FRMPD1: variants seen among roughly 807,000 people sequenced by gnomAD.
FRMPD1 encodes FERM and PDZ domain containing 1, also known as FERM and PDZ domain-containing protein 1.
A neutral mutation model predicts 117.8 loss-of-function variants in FRMPD1; 76 were observed. The ratio of observed to expected loss-of-function variants is 0.65; its 90% confidence interval spans 0.54 to 0.78. The LOEUF (loss-of-function observed/expected upper bound fraction) is 0.78, where lower values mean the gene tolerates loss of function less well. Among genes scored for constraint, FRMPD1 ranks in the 30% least tolerant of loss-of-function variants. The probability of loss-of-function intolerance (pLI) is 0.00; values close to 1 mark genes in which losing one functional copy is unlikely to be tolerated. For synonymous variants in FRMPD1, 783 were observed against 770.4 expected (o/e 1.02, Z -0.27); for missense variants, 1,786 against 1,964.5 (o/e 0.91, Z 1.72).
upstream of FRMPD1, among the ~76,000 whole-genome samples, chr9:37,649,672 C>T (rs1820606783): frequency 6.6e-6 from 1 of 152,242 alleles, no homozygotes; most frequent in Admixed American, 6.5e-5. Flanking sequence ...GAAGGATGCA[C>T]TTGTTAACAT....
At chr9:37,637,023 T>C in the FRMPD1 span, 1 of 1,551,830 alleles carries the variant, frequency 6.4e-7, no homozygotes, top group South Asian at 1.1e-5. Flanking sequence ...TCCTGGTCAG[T>C]GACGTCATAT....
At chr9:37,617,422 C>T in the FRMPD1 span, among the ~76,000 whole-genome samples, 1 of 152,230 alleles carries the variant, frequency 6.6e-6, no homozygotes, top group African/African-American at 2.4e-5. Context: ...ATAAGTCTTA[C>T]TGGCTCTGTG....
intron 1 of FRMPD1, among the ~76,000 whole-genome samples, chr9:37,654,684 G>A (rs1465091029): frequency 6.6e-6 from 1 of 152,204 alleles, no homozygotes; most frequent in Non-Finnish European, 1.5e-5. Flanking sequence ...AACTGTTCCA[G>A]GCTGAAGGAA....
chr9:37,694,467 T>C (rs1822250679), intron 2 of FRMPD1, among the ~76,000 whole-genome samples: 1 of 152,224 alleles, frequency 6.6e-6, no homozygotes, highest in South Asian at 2.1e-4. Context: ...ATATTTTCAA[T>C]ACTATAAAAA....
intron 1 of FRMPD1, among the ~76,000 whole-genome samples, chr9:37,685,633 G>C (rs1351405088): frequency 5.1e-4 from 77 of 151,532 alleles, no homozygotes; most frequent in African/African-American, 1.5e-3. Context: ...GCCTAGGCGA[G>C]AAAGCGAGAC....
At chr9:37,743,127 T>C (rs1405303926) in intron 15 of FRMPD1, among the ~76,000 whole-genome samples, 2 of 152,168 alleles carry the variant, frequency 1.3e-5, no homozygotes, top group Non-Finnish European at 2.9e-5. Flanking sequence ...TTTACAATAG[T>C]GCCTCTCCTC....
At chr9:37,621,364 ACGT>A in the FRMPD1 span, among the ~76,000 whole-genome samples, 1 of 152,222 alleles carries the variant, frequency 6.6e-6, no homozygotes, top group Non-Finnish European at 1.5e-5. Context: ...GAAAGTGGTT[ACGT>A]GACTCTTGCA....
intron 2 of FRMPD1, among the ~76,000 whole-genome samples, chr9:37,697,106 T>C (rs1468254492): frequency 1.3e-5 from 2 of 152,214 alleles, no homozygotes; most frequent in African/African-American, 4.8e-5. Context: ...TAGGTGGTTA[T>C]TGTTACAATC....
intron 2 of FRMPD1, among the ~76,000 whole-genome samples, chr9:37,701,763 G>A (rs1822542157): frequency 6.6e-6 from 1 of 152,130 alleles, no homozygotes; most frequent in East Asian, 1.9e-4. Context: ...ACAGAATTGT[G>A]TTTATAAAAT....
chr9:37,677,016 A>G lies in FRMPD1; in HGVS notation c.-4-15622A>G, dbSNP rs12115458. Among the ~76,000 whole-genome samples the G allele has an allele frequency of 5.5e-3, 832 of 152,288 alleles. 8 individuals are homozygous for G. The highest frequency in any genetic ancestry group is 0.019 in the African/African-American group (798 of 41,546). Reference sequence around the variant, plus strand: ...AAGAGGATCTAATGGAACGAATTGCATTTACTTTTGGACCAAATCCCTTAA... The same window carrying G: ...AAGAGGATCTAATGGAACGAATTGCGTTTACTTTTGGACCAAATCCCTTAA... On this transcript the variant is annotated intron_variant, in intron 1 of 15. Coordinates refer to ENST00000377765, the MANE Select transcript of FRMPD1 (RefSeq NM_014907.3).
chr9:37,713,110 G>A (rs1045740113), intron 5 of FRMPD1, among the ~76,000 whole-genome samples: 2 of 151,856 alleles, frequency 1.3e-5, no homozygotes, highest in African/African-American at 4.8e-5. Context: ...AAACTCTTAC[G>A]GGACTTTCAT....
intron 6 of FRMPD1, among the ~76,000 whole-genome samples, chr9:37,722,406 G>GTTGT (rs1004346276): frequency 1.3e-5 from 2 of 152,082 alleles, no homozygotes; most frequent in Admixed American, 6.6e-5. Context: ...AAAACTGGAA[G>GTTGT]TTGTTTGTTT....
rs140481463 is a variant in FRMPD1 at position 37,740,267 on chromosome 9, G to T, written c.1739G>T (p.Ser580Ile). ...RRGPSTCGAS[S>I]TTDSAESEAS... ...GGCCCCAGCACCTGCGGGGCCAGCAGCACGACAGACAGTGCCGAGTCCGAG... is the reference window on the plus strand; with the variant it reads ...GGCCCCAGCACCTGCGGGGCCAGCATCACGACAGACAGTGCCGAGTCCGAG... Residue 580 changes from serine to isoleucine, a missense_variant, in exon 15 of 16, where the codon AGC becomes ATC. By Grantham distance (142) the Ser-to-Ile change is moderately radical. Coordinates refer to ENST00000377765, the MANE Select transcript of FRMPD1 (RefSeq NM_014907.3). The surrounding 1 kb of genome is among the most constrained non-coding windows in gnomAD (Gnocchi z 4.2). The T allele has an allele frequency of 1.9e-6, 3 of 1,613,754 alleles. No homozygotes were observed. In the African/African-American group the frequency reaches 4.0e-5, roughly 22 times the overall value.
At chr9:37,727,025 G>A (rs901247673) in intron 7 of FRMPD1, among the ~76,000 whole-genome samples, 5 of 152,156 alleles carry the variant, frequency 3.3e-5, no homozygotes, top group Admixed American at 3.3e-4. Context: ...CGGGCACGGC[G>A]AACAACACCA....
intron 14 of FRMPD1, among the ~76,000 whole-genome samples, chr9:37,739,454 C>G (rs1394721488): frequency 6.6e-6 from 1 of 152,156 alleles, no homozygotes; most frequent in African/African-American, 2.4e-5. Context: ...CAGTGCTCCC[C>G]AGCCTCCTAC....
the FRMPD1 span, among the ~76,000 whole-genome samples, chr9:37,626,425 A>C: frequency 6.7e-6 from 1 of 150,114 alleles, no homozygotes; most frequent in Admixed American, 6.7e-5. Context: ...GAATTGCTTT[A>C]ACCTGGGAAG....
chr9:37,729,598 C>T, intron 7 of FRMPD1, 130 bp from the exon 8 acceptor site: 1 of 903,504 alleles, frequency 1.1e-6, no homozygotes. Context: ...GGACCAGACT[C>T]TGGCGTAAGT....
intron 15 of FRMPD1, among the ~76,000 whole-genome samples, chr9:37,743,520 C>CTTTTTT (rs531949141): frequency 4.9e-4 from 20 of 40,928 alleles, no homozygotes; most frequent in African/African-American, 6.7e-4. Flanking sequence ...AATGGCTCTG[C>CTTTTTT]TTTTTTTTTT....
the FRMPD1 span, chr9:37,637,201 G>A: frequency 6.2e-7 from 1 of 1,610,016 alleles, no homozygotes; most frequent in Non-Finnish European, 8.5e-7. Flanking sequence ...CTGTGTAAGG[G>A]TCATCAGCAA....
Sources: gnomAD v4.1 joint callset for allele counts (sites outside exome capture counted in the v4.1 genomes callset) on GRCh38, gnomAD v4.1.1 for gene constraint, Gnocchi (gnomAD v3.1) non-coding constraint, MANE v1.5 for transcripts, NCBI Gene and HGNC (gene_info 2026-07-23, HGNC 2026-07-21) for gene names.